The following MORN5 variants were observed in gnomAD, a reference collection of about 807,000 sequenced individuals.
The protein encoded by MORN5 is MORN repeat-containing protein 5.
Under a neutral mutation model 22.1 loss-of-function variants are expected in MORN5, and 21 were observed. The ratio of observed to expected loss-of-function variants is 0.95; its 90% CI spans 0.67 to 1.37. MORN5 has a LOEUF of 1.37. MORN5 is among the 40% of genes most tolerant of loss of function. The pLI is 0.00. For missense variants in MORN5, 211 were observed against 215.1 expected (o/e 0.98, Z 0.12); for synonymous variants, 73 against 74.0 (o/e 0.99, Z 0.07).
intron 1 of MORN5, among the ~76,000 whole-genome samples, chr9:122,163,855 C>CTGAA (rs1451259383): frequency 2.6e-5 from 4 of 152,102 alleles, no homozygotes; most frequent in East Asian, 1.9e-4. Flanking sequence ...TAAATGTTGG[C>CTGAA]TGAATGAATG....
intron 1 of MORN5, among the ~76,000 whole-genome samples, chr9:122,163,781 G>A (rs1489791894): frequency 2.0e-5 from 3 of 152,144 alleles, no homozygotes; most frequent in Non-Finnish European, 4.4e-5. Flanking sequence ...CCAAGCATCA[G>A]GAAATAAAAC....
At chr9:122,160,906 T>C (rs946335259) in intron 1 of MORN5, among the ~76,000 whole-genome samples, 2 of 152,228 alleles carry the variant, frequency 1.3e-5, no homozygotes, top group African/African-American at 2.4e-5. Flanking sequence ...GTTGAGTGGC[T>C]ACCGAGTACC....
At chr9:122,184,790 A>G (rs1364480678) in intron 4 of MORN5, among the ~76,000 whole-genome samples, 1 of 152,230 alleles carries the variant, frequency 6.6e-6, no homozygotes, top group Non-Finnish European at 1.5e-5. Context: ...TGCCTGCCCA[A>G]AGTCAAACTG....
At chr9:122,174,392 G>GC in intron 3 of MORN5, 104 bp from the exon 4 acceptor site, 1 of 1,338,916 alleles carries the variant, frequency 7.5e-7, no homozygotes, top group Non-Finnish European at 1.0e-6. Context: ...CAACAGGGGA[G>GC]CCAGATAGTC....
chr9:122,185,549 A>G (rs769240598), intron 4 of MORN5, among the ~76,000 whole-genome samples: 1 of 128,956 alleles, frequency 7.8e-6, no homozygotes, highest in African/African-American at 3.3e-5. Context: ...TTTAGTAGAG[A>G]TGGGGTTTCA....
chr9:122,185,389 AT>A (rs34979145), intron 4 of MORN5, among the ~76,000 whole-genome samples: 107,199 of 149,918 alleles, frequency 0.72, 38,385 homozygotes, highest in East Asian at 0.76. Context: ...TGCCTGGCTA[AT>A]TTTTTTTTTT....
intron 3 of MORN5, 137 bp from the exon 4 acceptor site, chr9:122,174,359 C>T (rs1588304906): frequency 4.2e-6 from 4 of 947,730 alleles, no homozygotes; most frequent in Admixed American, 2.6e-5. Flanking sequence ...TTGCTTCTTG[C>T]CCTGAGTAGG....
At chr9:122,166,654 T>C (rs1166336788) in intron 1 of MORN5, 114 bp from the exon 2 acceptor site, 4 of 1,031,346 alleles carry the variant, frequency 3.9e-6, no homozygotes, top group Non-Finnish European at 5.7e-6. Context: ...AGAGTACTGC[T>C]GGGATGAGAA....
intron 4 of MORN5, among the ~76,000 whole-genome samples, chr9:122,185,749 C>T (rs930887334): frequency 3.3e-5 from 5 of 152,186 alleles, no homozygotes; most frequent in African/African-American, 1.2e-4. Flanking sequence ...AAATCTGAGA[C>T]CCAGAGAGGG....
chr9:122,174,675 G>A (rs2118756776), intron 4 of MORN5, 48 bp downstream of exon 4: 1 of 1,612,792 alleles, frequency 6.2e-7, no homozygotes, highest in Admixed American at 1.7e-5. Context: ...ACCCACATAT[G>A]AGTATGTGCA....
intron 4 of MORN5, among the ~76,000 whole-genome samples, chr9:122,188,749 C>T (rs1829696691): frequency 1.3e-5 from 2 of 152,230 alleles, no homozygotes; most frequent in Admixed American, 6.5e-5. Flanking sequence ...GCAGGAGGAA[C>T]AGCAACATCA....
intron 4 of MORN5, among the ~76,000 whole-genome samples, chr9:122,188,804 C>T (rs549580090): frequency 3.9e-5 from 6 of 152,234 alleles, no homozygotes; most frequent in Non-Finnish European, 5.9e-5. Context: ...AGCACACATG[C>T]GTTCTGCAGT....
rs1482942859 is a variant in MORN5, at chr9:122,195,034, A to G, written c.440-4851A>G. Among the ~76,000 whole-genome samples, 5 of 151,748 alleles carry G rather than the reference A, an allele frequency of 3.3e-5. No individual in the cohort carries two copies. The South Asian group carries it at 1.0e-3, about 32-fold the overall frequency. On this transcript the variant is annotated intron_variant, in intron 4 of 4. Transcript: ENST00000373764. ...AAACTCCATCTCAAAAAAAAAAAAA[A>G]GGCAAATAAGTATAGATTCAAAAAT...
At chr9:122,185,096 C>T (rs1458308247) in intron 4 of MORN5, among the ~76,000 whole-genome samples, 1 of 152,244 alleles carries the variant, frequency 6.6e-6, no homozygotes, top group African/African-American at 2.4e-5. Context: ...CGCTCTTTCA[C>T]TCAGGCTGGG....
intron 3 of MORN5, among the ~76,000 whole-genome samples, chr9:122,170,025 G>A (rs377604554): frequency 2.0e-4 from 31 of 152,268 alleles, no homozygotes; most frequent in African/African-American, 7.0e-4. Context: ...TCAGCTGGGC[G>A]TGGTGACTAT....
chr9:122,178,811 A>G (rs1005340181), intron 4 of MORN5, among the ~76,000 whole-genome samples: 1 of 152,172 alleles, frequency 6.6e-6, no homozygotes, highest in Non-Finnish European at 1.5e-5. Flanking sequence ...TTAGTTTTTT[A>G]TGAACTTTTA....
chr9:122,170,570 T>C (rs539354513), intron 3 of MORN5, among the ~76,000 whole-genome samples: 26 of 152,304 alleles, frequency 1.7e-4, no homozygotes, highest in Middle Eastern at 3.4e-3. Context: ...AATCCCTGTC[T>C]CCCTAATGTC....
intron 4 of MORN5, among the ~76,000 whole-genome samples, chr9:122,196,653 AT>A (rs1294224758): frequency 6.6e-6 from 1 of 152,184 alleles, no homozygotes; most frequent in Non-Finnish European, 1.5e-5. Flanking sequence ...TATTTTAATT[AT>A]TTTTCTATTG....
At chr9:122,177,138 T>C (rs1355072086) in intron 4 of MORN5, among the ~76,000 whole-genome samples, 1 of 152,190 alleles carries the variant, frequency 6.6e-6, no homozygotes, top group Non-Finnish European at 1.5e-5. Flanking sequence ...GAGCAGGGCT[T>C]CTGCAGAGCT....
Sources: gnomAD v4.1 joint callset for allele counts (sites outside exome capture counted in the v4.1 genomes callset) on GRCh38, gnomAD v4.1.1 for gene constraint, MANE v1.5 for transcripts, NCBI Gene and HGNC (gene_info 2026-07-23, HGNC 2026-07-21) for gene names.